The following RPS29 variants were observed in gnomAD, a reference collection of about 807,000 sequenced individuals.
The protein encoded by RPS29 is small ribosomal subunit protein uS14.
For missense variants in RPS29, 60 were observed against 75.7 expected (o/e 0.79, Z 0.77); for synonymous variants, 37 against 26.9 (o/e 1.37, Z -1.16).
Position 49,583,774 on chromosome 14 carries a change from G to A in RPS29, c.163-99C>T, listed in dbSNP as rs1051350311. 9.1e-6 allele frequency: 7 copies of A among 770,610 alleles called. No homozygotes were observed. In the African/African-American group the frequency reaches 1.2e-4, roughly 14 times the overall value. 47.7% of individuals were successfully genotyped at this position (770,610 alleles called of 1,614,324 possible). On this transcript the variant is annotated intron_variant, in intron 2 of 2. Coordinates refer to ENST00000245458, the MANE Select transcript of RPS29 (RefSeq NM_001032.5). Reference sequence around the variant, plus strand: ...CATTATAGAATGTTATAGAATTACAGAACTGGACCTTTGACCTATCCAAAC... The same window carrying A: ...CATTATAGAATGTTATAGAATTACAAAACTGGACCTTTGACCTATCCAAAC...
chr14:49,588,662 A>G (rs576195279), upstream of RPS29, among the ~76,000 whole-genome samples: 15 of 146,090 alleles, frequency 1.0e-4, no homozygotes, highest in African/African-American at 3.3e-4. Context: ...CGAGTTGCTG[A>G]AATTACAGGC....
chr14:49,576,120 AG>A (rs1314521966), exon 3 of RPS29: 1 of 90,680 alleles, frequency 1.1e-5, no homozygotes, highest in Non-Finnish European at 2.5e-5. Context: ...CTAATAGTGC[AG>A]CCTTTTTTTT....
At chr14:49,576,749 C>G (rs866981893) in exon 3 of RPS29, 10 of 152,156 alleles carry the variant, frequency 6.6e-5, no homozygotes, top group African/African-American at 2.4e-4. Flanking sequence ...TTCCCCCATA[C>G]TTTCTCATGG....
chr14:49,582,270 G>GT (rs953637051), downstream of RPS29, among the ~76,000 whole-genome samples: 2 of 152,048 alleles, frequency 1.3e-5, no homozygotes, highest in Non-Finnish European at 1.5e-5. Flanking sequence ...CTCTACAAAA[G>GT]TAAGTTTCCA....
At chr14:49,571,840 C>G (rs983798315) in exon 3 of RPS29, 1 of 152,212 alleles carries the variant, frequency 6.6e-6, no homozygotes, top group Non-Finnish European at 1.5e-5. Context: ...TTATATCCTT[C>G]ATAATAAAAC....
upstream of RPS29, chr14:49,586,939 T>A (rs1425500150): frequency 6.5e-6 from 1 of 153,632 alleles, no homozygotes; most frequent in Non-Finnish European, 1.5e-5. Context: ...ATAGTCTTTT[T>A]TATTGATTAA....
At chr14:49,583,570 A>T, downstream of RPS29, 1 of 1,380,454 alleles carries the variant, frequency 7.2e-7, no homozygotes, top group Non-Finnish European at 1.0e-6. Context: ...ACACTCATAA[A>T]CTGAAGGGTT....
rs10647593 is a variant in RPS29 at position 49,593,692 on chromosome 14, CAAAAAAAAAAAA to C, written c.-133+4696_-133+4707del. Among the ~76,000 whole-genome samples, 11 of 56,304 alleles carry C rather than the reference CAAAAAAAAAAAA, an allele frequency of 2.0e-4. No individual in the cohort carries two copies. In the South Asian group the frequency reaches 0.01, roughly 53 times the overall value. 36.9% of individuals were successfully genotyped at this position (56,304 alleles called of 152,430 possible). ...TGGGCGACAGAGCAAGACTCTGTCTCAAAAAAAAAAAAAAAAAAAAAAAAGACGTTTTAAAAT... is the reference window on the plus strand; with the variant it reads ...TGGGCGACAGAGCAAGACTCTGTCTCAAAAAAAAAAAAGACGTTTTAAAAT... On this transcript the variant is annotated intron_variant, in intron 1 of 3. Transcript: ENST00000556230.
Position 49,591,733 on chromosome 14 carries a change from A to G in RPS29, c.-132-5255T>C, listed in dbSNP as rs552107416. On this transcript the variant is annotated intron_variant, in intron 1 of 3. Transcript: ENST00000556230. ...CTTCCCGGGTTCAAACGATTCACCT[A>G]CCTCAGCCTCCCGAGTAGCTGGGAT... 4.2e-5 allele frequency among the ~76,000 whole-genome samples: 6 copies of G among 142,014 alleles called. 1 individual carries two copies. The highest frequency in any genetic ancestry group is 4.5e-4 in the South Asian group (2 of 4,426). 93.2% of individuals were successfully genotyped at this position (142,014 alleles called of 152,430 possible). A position where few individuals can be genotyped will look rare whatever the true frequency, so the allele number is the denominator to read the frequency against.
At chr14:49,583,504 C>CA (rs552339139), downstream of RPS29, 40,052 of 560,372 alleles carry the variant, frequency 0.071, no homozygotes, top group South Asian at 0.087. Flanking sequence ...GACTCAGTCT[C>CA]AAAAAAAAAA....
upstream of RPS29, chr14:49,586,637 G>A (rs947882283): frequency 3.4e-5 from 15 of 442,606 alleles, no homozygotes; most frequent in East Asian, 8.8e-5. Context: ...GAGGCTGGAG[G>A]ATCGCTTGAG....
intron 2 of RPS29, among the ~76,000 whole-genome samples, chr14:49,584,527 G>A (rs777092091): frequency 5.9e-5 from 9 of 152,134 alleles, no homozygotes; most frequent in Non-Finnish European, 8.8e-5. Flanking sequence ...CACTCTGAGG[G>A]GTCAAGGCAG....
chr14:49,573,036 C>G (rs1350041670), exon 3 of RPS29: 1 of 149,952 alleles, frequency 6.7e-6, no homozygotes, highest in South Asian at 2.1e-4. Flanking sequence ...CGACTTCACT[C>G]CAGCCTGCAT....
chr14:49,595,308 G>A (rs1290038686), intron 1 of RPS29, among the ~76,000 whole-genome samples: 2 of 152,098 alleles, frequency 1.3e-5, no homozygotes, highest in Non-Finnish European at 2.9e-5. Context: ...GATGTGGGTG[G>A]GGCATGGTGG....
chr14:49,585,702 G>C, intron 2 of RPS29: 1 of 505,252 alleles, frequency 2.0e-6, no homozygotes, highest in Non-Finnish European at 3.5e-6. Context: ...ACCTAAAACT[G>C]GCTAAGCTAT....
upstream of RPS29, among the ~76,000 whole-genome samples, chr14:49,588,751 A>C (rs1414876723): frequency 6.6e-6 from 1 of 151,896 alleles, no homozygotes; most frequent in African/African-American, 2.4e-5. Context: ...CTGGTCTCGA[A>C]GTCCTGACCT....
chr14:49,585,379 A>AAACTAC (rs1881498976), intron 2 of RPS29: 1 of 142,820 alleles, frequency 7.0e-6, no homozygotes, highest in Non-Finnish European at 1.5e-5. Flanking sequence ...AAAAAAAAAA[A>AAACTAC]AAACTTGGGG....
chr14:49,595,282 C>T lies in RPS29; in HGVS notation c.-133+3118G>A, dbSNP rs547663327. 3.3e-5 allele frequency among the ~76,000 whole-genome samples: 5 copies of T among 152,080 alleles called. No homozygotes were observed. The East Asian group carries it at 5.8e-4, about 18-fold the overall frequency. On this transcript the variant is annotated intron_variant, in intron 1 of 3. Transcript: ENST00000556230. ...CTACACTGTCCATAGATTGTGACCT[C>T]GTTCTTTAAGAATCTGATGTGGGTG...
upstream of RPS29, among the ~76,000 whole-genome samples, chr14:49,588,351 TAG>T (rs1881636431): frequency 6.6e-6 from 1 of 152,242 alleles, no homozygotes; most frequent in South Asian, 2.1e-4. Flanking sequence ...TTCTCTTTGA[TAG>T]AGATATTGCA....
Sources: allele counts gnomAD v4.1 joint callset (sites outside exome capture counted in the v4.1 genomes callset), GRCh38; gene constraint gnomAD v4.1.1; transcripts MANE v1.5; gene names NCBI Gene and HGNC (gene_info 2026-07-23, HGNC 2026-07-21).